CAMTA1: variants seen among roughly 807,000 people sequenced by gnomAD.
CAMTA1 encodes calmodulin binding transcription activator 1.
A neutral mutation model predicts 170.9 loss-of-function variants in CAMTA1; 27 were observed. The ratio of observed to expected loss-of-function variants is 0.16; its 90% CI spans 0.12 to 0.22. CAMTA1 has a LOEUF of 0.22. CAMTA1 is among the 10% of genes least tolerant of loss of function. The pLI, the probability that CAMTA1 is intolerant of heterozygous loss-of-function variation, is 1.00. For synonymous variants in CAMTA1, 833 were observed against 891.5 expected, an observed-to-expected ratio of 0.93 and a Z score of 1.17; for missense variants, 1,619 against 2,217.2, an observed-to-expected ratio of 0.73 and a Z score of 5.42.
chr1:7,761,662 C>T (rs2096976977), intron 22 of CAMTA1, among the ~76,000 whole-genome samples: 1 of 152,014 alleles, frequency 6.6e-6, no homozygotes, highest in African/African-American at 2.4e-5. Context: ...CTATATTTAC[C>T]AAGTTTGTAT....
intron 6 of CAMTA1, among the ~76,000 whole-genome samples, chr1:7,546,976 T>A (rs1002599428): frequency 2.6e-5 from 4 of 152,224 alleles, no homozygotes; most frequent in Non-Finnish European, 5.9e-5. Context: ...TATATGCAAG[T>A]ATTCCCCATC....
intron 6 of CAMTA1, among the ~76,000 whole-genome samples, chr1:7,495,890 G>A (rs557578699): frequency 3.2e-4 from 49 of 152,352 alleles, no homozygotes; most frequent in Middle Eastern, 6.8e-3. Context: ...TGCGAGTCCT[G>A]GGAGGTGACG....
Position 7,047,322 on chromosome 1 carries a change from G to A in CAMTA1, c.235-43982G>A, listed in dbSNP as rs542778443. On this transcript the variant is annotated intron_variant, in intron 3 of 22. Transcript: ENST00000303635. ...ATTTTCTCCCTTCGGTGAGAAGGAGGGTACTCCACAGACAAGGTTACACTT... is the reference window on the plus strand; with the variant it reads ...ATTTTCTCCCTTCGGTGAGAAGGAGAGTACTCCACAGACAAGGTTACACTT... 2.0e-4 allele frequency among the ~76,000 whole-genome samples: 31 copies of A among 152,246 alleles called. No homozygotes were observed. In the South Asian group the frequency reaches 6.4e-3, roughly 32 times the overall value.
chr1:6,815,551 T>C (rs1473131799), intron 1 of CAMTA1, among the ~76,000 whole-genome samples: 1 of 152,188 alleles, frequency 6.6e-6, no homozygotes, highest in East Asian at 1.9e-4. Flanking sequence ...TGAGTAACCA[T>C]CCCTAGAGTT....
At chr1:7,652,091 C>T (rs748023079) in intron 7 of CAMTA1, among the ~76,000 whole-genome samples, 7 of 151,996 alleles carry the variant, frequency 4.6e-5, no homozygotes, top group Non-Finnish European at 8.8e-5. Context: ...GTCGTGGAGC[C>T]AAGCATTGCC....
chr1:7,120,911 A>T (rs550072049), intron 4 of CAMTA1, among the ~76,000 whole-genome samples: 31 of 152,378 alleles, frequency 2.0e-4, no homozygotes, highest in Non-Finnish European at 4.1e-4. Context: ...GGTATCATTA[A>T]TCATTTCATA....
intron 5 of CAMTA1, among the ~76,000 whole-genome samples, chr1:7,461,484 G>A (rs2093087373): frequency 6.6e-6 from 1 of 152,226 alleles, no homozygotes; most frequent in South Asian, 2.1e-4. Context: ...AGGAACTGAA[G>A]CTTTGATTGG....
At chr1:7,647,085 C>T (rs544376074) in intron 7 of CAMTA1, among the ~76,000 whole-genome samples, 49 of 152,282 alleles carry the variant, frequency 3.2e-4, no homozygotes, top group African/African-American at 1.2e-3. Context: ...AGAGCGGCTG[C>T]TTAGCCAGCA....
In CAMTA1 at chr1:6,876,466, G is replaced by A. The variant is rs572889801; in HGVS notation, c.234+51256G>A. ...AAACCTCCGCCTTCTGGGTTCTACCGATTCTCCTGCCTCAGCCTCCAAAGT... is the reference window on the plus strand; with the variant it reads ...AAACCTCCGCCTTCTGGGTTCTACCAATTCTCCTGCCTCAGCCTCCAAAGT... On this transcript the variant is annotated intron_variant, in intron 3 of 22. Coordinates refer to ENST00000303635, the MANE Select transcript of CAMTA1 (RefSeq NM_015215.4). Among the ~76,000 whole-genome samples the A allele has an allele frequency of 1.6e-3, 242 of 151,670 alleles. 1 individual carries two copies. The highest frequency in any genetic ancestry group is 5.2e-3 in the African/African-American group (214 of 41,296).
chr1:7,701,178 T>C (rs1384530502), intron 11 of CAMTA1, among the ~76,000 whole-genome samples: 1 of 152,250 alleles, frequency 6.6e-6, no homozygotes, highest in Non-Finnish European at 1.5e-5. Flanking sequence ...GCTTTCCAGC[T>C]GTGTGGCTTT....
At chr1:7,677,145 C>T (rs1419428036) in intron 10 of CAMTA1, among the ~76,000 whole-genome samples, 11 of 152,126 alleles carry the variant, frequency 7.2e-5, no homozygotes, top group South Asian at 2.1e-4. Flanking sequence ...GGCTGTTCAT[C>T]GAGTCAGGAC....
chr1:7,542,416 A>G (rs997906423), intron 6 of CAMTA1, among the ~76,000 whole-genome samples: 1 of 152,082 alleles, frequency 6.6e-6, no homozygotes, highest in African/African-American at 2.4e-5. Flanking sequence ...TGTTTCTCAA[A>G]ACATATTTTT....
chr1:7,132,234 T>C (rs530656493), intron 4 of CAMTA1, among the ~76,000 whole-genome samples: 4 of 152,236 alleles, frequency 2.6e-5, no homozygotes, highest in African/African-American at 7.2e-5. Context: ...ATAGGTGAAT[T>C]TGGGGAGAAT....
At chr1:6,858,767 A>T (rs760036485) in intron 3 of CAMTA1, among the ~76,000 whole-genome samples, 5 of 152,180 alleles carry the variant, frequency 3.3e-5, no homozygotes, top group Non-Finnish European at 7.3e-5. Flanking sequence ...ATGCTTTTAT[A>T]TGAGGACCCC....
At chr1:7,614,413 T>A (rs561295780) in intron 6 of CAMTA1, among the ~76,000 whole-genome samples, 2 of 152,138 alleles carry the variant, frequency 1.3e-5, no homozygotes, top group African/African-American at 4.8e-5. Flanking sequence ...GGAGAAGAGA[T>A]GAAGATTCAT....
chr1:7,101,609 C>T lies in CAMTA1; in HGVS notation c.302+10238C>T, dbSNP rs573873012. On this transcript the variant is annotated intron_variant, in intron 4 of 22. Coordinates refer to ENST00000303635, the MANE Select transcript of CAMTA1 (RefSeq NM_015215.4). ...AACTCTGCTGCATATCCCACTTTCA[C>T]TTGAGCTTTTGCTTTGCGTTGTGTG... is the stretch of plus-strand genomic sequence containing the variant. 2.6e-5 allele frequency among the ~76,000 whole-genome samples: 4 copies of T among 152,364 alleles called. No individual in the cohort carries two copies. The South Asian group carries it at 8.3e-4, about 32-fold the overall frequency.
At chr1:7,187,427 G>A (rs977949563) in intron 4 of CAMTA1, among the ~76,000 whole-genome samples, 1 of 152,078 alleles carries the variant, frequency 6.6e-6, no homozygotes, top group Non-Finnish European at 1.5e-5. Flanking sequence ...AGCAGATGGT[G>A]ATTTTTTTTA....
At chr1:7,636,828 G>C (rs2095716082) in intron 6 of CAMTA1, among the ~76,000 whole-genome samples, 2 of 152,264 alleles carry the variant, frequency 1.3e-5, no homozygotes, top group Non-Finnish European at 2.9e-5. Flanking sequence ...AGCCTAATTT[G>C]ATTCTACAAA....
intron 22 of CAMTA1, among the ~76,000 whole-genome samples, chr1:7,759,334 C>T (rs2096957618): frequency 6.6e-6 from 1 of 152,034 alleles, no homozygotes; most frequent in South Asian, 2.1e-4. Flanking sequence ...CAGAAAATAC[C>T]ACTTGTGTCT....
Sources: allele counts gnomAD v4.1 joint callset (sites outside exome capture counted in the v4.1 genomes callset), GRCh38; gene constraint gnomAD v4.1.1; transcripts MANE v1.5; gene names NCBI Gene and HGNC (gene_info 2026-07-23, HGNC 2026-07-21).